RAB23: variants seen among roughly 807,000 people sequenced by gnomAD.
The protein encoded by RAB23 is RAB23, member RAS oncogene family.
A neutral mutation model predicts 30.0 loss-of-function variants in RAB23; 15 were observed. That is an observed-to-expected ratio of 0.50 (90% CI 0.33 to 0.77). RAB23 has a LOEUF of 0.77. RAB23 is among the 30% of genes least tolerant of loss of function. The pLI, the probability that RAB23 is intolerant of heterozygous loss-of-function variation, is 0.02. For missense variants in RAB23, 243 were observed against 275.4 expected (o/e 0.88, Z 0.83); for synonymous variants, 93 against 94.0 (o/e 0.99, Z 0.06).
rs1765868044 is a variant in RAB23 at position 57,217,068 on chromosome 6, ATCATACAGAATATGT to A, written c.-66+4643_-66+4657del. ...CTCAAACACACTTAAAATAATGGAA[ATCATACAGAATATGT>A]TCACTGATCACAATGGAATCAAACT... On this transcript the variant is annotated intron_variant, in intron 1 of 6. Transcript: ENST00000468148. Among the ~76,000 whole-genome samples the A allele has an allele frequency of 2.0e-5, 3 of 152,280 alleles. No homozygotes were observed. In the South Asian group the frequency reaches 6.2e-4, roughly 32 times the overall value.
At chr6:57,202,661 A>T (rs536526000) in intron 3 of RAB23, among the ~76,000 whole-genome samples, 1 of 152,312 alleles carries the variant, frequency 6.6e-6, no homozygotes, top group African/African-American at 2.4e-5. Context: ...TGAACAAACA[A>T]CTAAAAGGGA....
At chr6:57,218,901 C>A (rs1765949938) in intron 1 of RAB23, among the ~76,000 whole-genome samples, 1 of 151,280 alleles carries the variant, frequency 6.6e-6, no homozygotes. Context: ...TAAAACAATT[C>A]TGGAAGACAG....
At chr6:57,193,046 A>G (rs1173013537) in intron 6 of RAB23, among the ~76,000 whole-genome samples, 1 of 152,176 alleles carries the variant, frequency 6.6e-6, no homozygotes, top group Non-Finnish European at 1.5e-5. Context: ...TTGTTCCACA[A>G]TGAGTCTTAT....
At chr6:57,195,293 A>C (rs996705276) in intron 4 of RAB23, among the ~76,000 whole-genome samples, 1 of 152,198 alleles carries the variant, frequency 6.6e-6, no homozygotes, top group Non-Finnish European at 1.5e-5. Flanking sequence ...TTTTATTCTT[A>C]CTGGCCATGA....
Position 57,222,244 on chromosome 6 carries a change from G to C in RAB23, c.-584C>G, listed in dbSNP as rs927008228. 1 of 152,618 alleles carries C rather than the reference G, an allele frequency of 6.6e-6. No homozygotes were observed. The highest frequency in any genetic ancestry group is 2.4e-5 in the African/African-American group (1 of 41,474). The allele number at this position is 152,618 out of a possible 1,614,324, so 9.5% of individuals were successfully genotyped here. A position where few individuals can be genotyped will look rare whatever the true frequency, so the allele number is the denominator to read the frequency against. On this transcript the variant is annotated 5_prime_UTR_variant, in exon 1 of 7. Transcript: ENST00000468148. Reference sequence around the variant, plus strand: ...TGAGTGGCTCAGCAGCAGCTCCGCCGGGGGTGGTGGGGCGCGGGAGTCTCG... The same window carrying C: ...TGAGTGGCTCAGCAGCAGCTCCGCCCGGGGTGGTGGGGCGCGGGAGTCTCG...
chr6:57,216,637 A>T lies in RAB23; in HGVS notation c.-66+5089T>A, dbSNP rs113659236. On this transcript the variant is annotated intron_variant, in intron 1 of 6. Coordinates refer to ENST00000468148, the MANE Select transcript of RAB23 (RefSeq NM_016277.5). ...GAAAGCAAGTTTATTAAGAAAGTAA[A>T]GGAATAAAAGAGTGGCTGCTCCATA... Among the ~76,000 whole-genome samples the T allele has an allele frequency of 4.0e-3, 615 of 152,258 alleles. 4 individuals are homozygous for T. Among genetic ancestry groups the T allele is most frequent in the African/African-American group, 0.014 (586 of 41,560 alleles).
rs1052193932 is a variant in RAB23, at chr6:57,207,640, C to T, written c.229G>A (p.Ala77Thr). 6.3e-7 allele frequency: 1 copy of T among 1,594,870 alleles called. No homozygotes were observed. The highest frequency in any genetic ancestry group is 1.7e-5 in the Admixed American group (1 of 59,954). The change falls in exon 3 of 7, where the codon GCC (alanine) becomes ACC (threonine). Residue 77 changes from alanine to threonine, a missense_variant. Transcript: ENST00000468148. ...TCCTGTGTTTTACCTCGATAGTAGG[C>T]CTTTGTAATTGCATCAAATTCCTCC... ...GQEEFDAITK[A>T]YYRGAQACVL...
At chr6:57,203,464 A>G (rs1284209266) in intron 3 of RAB23, among the ~76,000 whole-genome samples, 2 of 152,234 alleles carry the variant, frequency 1.3e-5, no homozygotes, top group African/African-American at 2.4e-5. Context: ...CAGACATTTC[A>G]TGCAGAGAAT....
In RAB23 at chr6:57,189,375, T is replaced by TAATA. The variant is rs1764743916; in HGVS notation, c.*1082_*1085dup. 1 of 152,216 alleles carries TAATA rather than the reference T, an allele frequency of 6.6e-6. No homozygotes were observed. Among genetic ancestry groups the TAATA allele is most frequent in the African/African-American group, 2.4e-5 (1 of 41,454 alleles). The allele number at this position is 152,216 out of a possible 1,614,324, so 9.4% of individuals were successfully genotyped here. A position where few individuals can be genotyped will look rare whatever the true frequency, so the allele number is the denominator to read the frequency against. ...ATGTAATTTTAGTTAAGACTAATAA[T>TAATA]AATATTTTTGTGCACTTTAAAAATG... On this transcript the variant is annotated 3_prime_UTR_variant, in exon 7 of 7. Coordinates refer to ENST00000468148, the MANE Select transcript of RAB23 (RefSeq NM_016277.5).
At position 57,187,930 on chromosome 6, in the gene RAB23, T is replaced by TAAC. The variant is rs1764670393; in HGVS notation, c.*2528_*2530dup. 1 of 152,020 alleles carries TAAC rather than the reference T, an allele frequency of 6.6e-6. No homozygotes were observed. Among genetic ancestry groups the TAAC allele is most frequent in the Non-Finnish European group, 1.5e-5 (1 of 67,992 alleles). The allele number at this position is 152,020 out of a possible 1,614,324, so 9.4% of individuals were successfully genotyped here. On this transcript the variant is annotated 3_prime_UTR_variant, in exon 7 of 7. Coordinates refer to ENST00000468148, the MANE Select transcript of RAB23 (RefSeq NM_016277.5). Reference sequence around the variant, plus strand: ...GGAAATCATTTAACCTGGTTTTATTTAACTATATTGCCTTATATGGGTCAT... The same window carrying TAAC: ...GGAAATCATTTAACCTGGTTTTATTTAACAACTATATTGCCTTATATGGGTCAT...
chr6:57,216,495 AAAAC>A (rs1242774157), intron 1 of RAB23, among the ~76,000 whole-genome samples: 3 of 152,238 alleles, frequency 2.0e-5, no homozygotes, highest in African/African-American at 7.2e-5. Context: ...TCTGGGCCAT[AAAAC>A]AAACATCAAC....
intron 4 of RAB23, among the ~76,000 whole-genome samples, chr6:57,195,633 G>A (rs1440868373): frequency 6.6e-6 from 1 of 152,190 alleles, no homozygotes; most frequent in Non-Finnish European, 1.5e-5. Context: ...AGAAATAGCT[G>A]CCGTGTTGTG....
chr6:57,204,087 A>C (rs1285041248), intron 3 of RAB23, among the ~76,000 whole-genome samples: 3 of 152,200 alleles, frequency 2.0e-5, no homozygotes, highest in Non-Finnish European at 2.9e-5. Flanking sequence ...CTATATATTC[A>C]AAAGTTACAT....
chr6:57,194,157 G>A (rs2127997806), intron 5 of RAB23, among the ~76,000 whole-genome samples: 1 of 152,154 alleles, frequency 6.6e-6, no homozygotes, highest in African/African-American at 2.4e-5. Flanking sequence ...GTAAATAAGT[G>A]AAATAATACT....
chr6:57,193,774 A>G (rs973301928), intron 6 of RAB23, 68 bp downstream of exon 6: 12 of 1,560,222 alleles, frequency 7.7e-6, no homozygotes, highest in Non-Finnish European at 1.0e-5. Context: ...TCTGAAAGAA[A>G]TGAGCATATT....
At chr6:57,201,735 G>A (rs2128000395) in intron 3 of RAB23, among the ~76,000 whole-genome samples, 1 of 152,142 alleles carries the variant, frequency 6.6e-6, no homozygotes, top group Middle Eastern at 3.4e-3. Context: ...AAGAGTAGAA[G>A]GAAAAAGATA....
chr6:57,201,540 T>C (rs1318283613), intron 3 of RAB23, among the ~76,000 whole-genome samples: 2 of 152,240 alleles, frequency 1.3e-5, no homozygotes, highest in Admixed American at 6.5e-5. Flanking sequence ...ATTTGTCCTA[T>C]CACATTCTTC....
At chr6:57,199,979 G>C (rs1216272596) in intron 3 of RAB23, among the ~76,000 whole-genome samples, 1 of 151,874 alleles carries the variant, frequency 6.6e-6, no homozygotes, top group Non-Finnish European at 1.5e-5. Context: ...CTAATGACCG[G>C]AAAGCCCTTT....
rs1562646561 is a variant in RAB23 at position 57,188,600 on chromosome 6, AAG to A, written c.*1859_*1860del. On this transcript the variant is annotated 3_prime_UTR_variant, in exon 7 of 7. Coordinates refer to ENST00000468148, the MANE Select transcript of RAB23 (RefSeq NM_016277.5). ...GAGGAGAGTAGAGAGTAGAAAATTG[AAG>A]AGAGTAGAAAAGATGACTCATTAGC... 2 of 152,144 alleles carry A rather than the reference AAG, an allele frequency of 1.3e-5. No individual in the cohort carries two copies. The highest frequency in any genetic ancestry group is 1.3e-4 in the Admixed American group (2 of 15,274). The allele number at this position is 152,144 out of a possible 1,614,324, so 9.4% of individuals were successfully genotyped here.
Sources: gnomAD v4.1 joint callset for allele counts (sites outside exome capture counted in the v4.1 genomes callset) on GRCh38, gnomAD v4.1.1 for gene constraint, MANE v1.5 for transcripts, NCBI Gene and HGNC (gene_info 2026-07-23, HGNC 2026-07-21) for gene names.